The following KCNH1 variants were observed in gnomAD, a reference collection of about 807,000 sequenced individuals.
KCNH1 encodes potassium voltage-gated channel subfamily H member 1, also known as voltage-gated delayed rectifier potassium channel KCNH1.
KCNH1 carries 27 observed loss-of-function variants against 69.2 expected under a neutral mutation model. That is an observed-to-expected ratio of 0.39 (90% CI 0.29 to 0.54). KCNH1 has a LOEUF of 0.54. KCNH1 is among the 20% of genes least tolerant of loss of function. The pLI, the probability that KCNH1 is intolerant of heterozygous loss-of-function variation, is 0.68. For missense variants in KCNH1, 798 were observed against 1,261.6 expected, an observed-to-expected ratio of 0.63 and a Z score of 5.57; for synonymous variants, 456 against 487.7, an observed-to-expected ratio of 0.93 and a Z score of 0.86.
intron 8 of KCNH1, among the ~76,000 whole-genome samples, chr1:210,802,894 C>G (rs368362504): frequency 7.9e-5 from 12 of 151,934 alleles, no homozygotes; most frequent in African/African-American, 2.9e-4. Flanking sequence ...GCATGTTCTG[C>G]ACATGTACCC....
chr1:210,836,941 C>A (rs564568973), intron 7 of KCNH1, among the ~76,000 whole-genome samples: 1 of 152,174 alleles, frequency 6.6e-6, no homozygotes, highest in Admixed American at 6.6e-5. Flanking sequence ...TCCCTGCTTA[C>A]TTCATCTATT....
At chr1:210,946,744 C>T (rs529378682) in intron 6 of KCNH1, among the ~76,000 whole-genome samples, 3 of 152,306 alleles carry the variant, frequency 2.0e-5, no homozygotes, top group African/African-American at 7.2e-5. Context: ...ACTCCAGTCA[C>T]GCTGAACAAC....
chr1:210,908,399 G>A (rs572305712), intron 7 of KCNH1, among the ~76,000 whole-genome samples: 2 of 152,334 alleles, frequency 1.3e-5, no homozygotes, highest in East Asian at 3.9e-4. Flanking sequence ...GCCAGCGCCT[G>A]CATGTGAGCA....
intron 5 of KCNH1, among the ~76,000 whole-genome samples, chr1:211,027,971 T>C (rs1270423583): frequency 6.6e-6 from 1 of 152,086 alleles, no homozygotes; most frequent in Non-Finnish European, 1.5e-5. Flanking sequence ...AACTCAACAA[T>C]AGCATCAAAC....
intron 7 of KCNH1, chr1:210,861,713 A>G: frequency 1.3e-6 from 1 of 774,716 alleles, no homozygotes; most frequent in Non-Finnish European, 2.4e-6. Context: ...GACTGATCAG[A>G]CTGGTCAGAA....
intron 5 of KCNH1, among the ~76,000 whole-genome samples, chr1:211,065,535 A>G (rs1690513814): frequency 6.6e-6 from 1 of 152,148 alleles, no homozygotes. Context: ...TCATTTAGAT[A>G]GGAAGAATAA....
At chr1:210,982,097 T>C (rs953203801) in intron 6 of KCNH1, among the ~76,000 whole-genome samples, 2 of 152,072 alleles carry the variant, frequency 1.3e-5, no homozygotes, top group Non-Finnish European at 2.9e-5. Context: ...CCACCAGCAA[T>C]AAGACTTTCA....
rs868223891 is a variant in KCNH1, at chr1:211,078,938, G to A, written c.558+3842C>T. 7.3e-3 allele frequency among the ~76,000 whole-genome samples: 903 copies of A among 124,098 alleles called. 9 individuals carry two copies. The highest frequency in any genetic ancestry group is 0.023 in the African/African-American group (816 of 34,742). The allele number at this position is 124,098 out of a possible 152,430, so 81.4% of individuals were successfully genotyped here. A position where few individuals can be genotyped will look rare whatever the true frequency, so the allele number is the denominator to read the frequency against. Reference sequence around the variant, plus strand: ...GTCTCAAAAAAAAAAAAAAAAAAAAGAAAGAAAGAAAGAAATAACTAAGAT... The same window carrying A: ...GTCTCAAAAAAAAAAAAAAAAAAAAAAAAGAAAGAAAGAAATAACTAAGAT... On this transcript the variant is annotated intron_variant, in intron 5 of 10. Transcript: ENST00000271751.
intron 5 of KCNH1, among the ~76,000 whole-genome samples, chr1:211,021,168 G>T (rs1689580825): frequency 6.6e-6 from 1 of 152,146 alleles, no homozygotes; most frequent in South Asian, 2.1e-4. Context: ...AGGGTGGGAA[G>T]GGGGTAGGGG....
chr1:210,743,616 G>A (rs1683086259), intron 10 of KCNH1, among the ~76,000 whole-genome samples: 1 of 152,156 alleles, frequency 6.6e-6, no homozygotes. Context: ...TTTTAGACTT[G>A]GGGACAGGAC....
chr1:210,880,690 C>T (rs911403248), intron 7 of KCNH1, among the ~76,000 whole-genome samples: 1 of 152,086 alleles, frequency 6.6e-6, no homozygotes, highest in African/African-American at 2.4e-5. Context: ...TGTTTAGTTG[C>T]CGCACCAAAG....
intron 6 of KCNH1, among the ~76,000 whole-genome samples, chr1:210,960,433 C>T (rs1688271424): frequency 2.0e-5 from 3 of 152,338 alleles, no homozygotes; most frequent in South Asian, 4.1e-4. Context: ...ATGCTCTCTC[C>T]ACCTCTTTCC....
chr1:210,759,950 C>T (rs1683483311), intron 10 of KCNH1, among the ~76,000 whole-genome samples: 1 of 152,202 alleles, frequency 6.6e-6, no homozygotes, highest in Non-Finnish European at 1.5e-5. Context: ...TGAGCAAGCA[C>T]TGCCACCTGA....
chr1:210,930,935 A>G (rs1020106868), intron 6 of KCNH1, among the ~76,000 whole-genome samples: 1 of 152,158 alleles, frequency 6.6e-6, no homozygotes, highest in Admixed American at 6.6e-5. Flanking sequence ...GAAAAATGCT[A>G]AACATTACTA....
intron 9 of KCNH1, among the ~76,000 whole-genome samples, chr1:210,778,438 G>A (rs1434171166): frequency 6.6e-6 from 1 of 150,878 alleles, no homozygotes; most frequent in Non-Finnish European, 1.5e-5. Flanking sequence ...TGGGAGGATT[G>A]CTTGAACCCA....
chr1:210,683,620 T>C lies in KCNH1; in HGVS notation c.2631A>G (p.Thr877=), dbSNP rs1200325461. The change falls in exon 11 of 11, where the codon ACA becomes ACG. Residue 877 remains threonine, a synonymous_variant. Transcript: ENST00000271751. The surrounding 1 kb of genome is among the most constrained non-coding windows in gnomAD (Gnocchi z 5.7). ...TGGTGATGCCACTGTCACACGAGTCTGTCTTCTTCAGTGTGGCCTCGCCTG... is the reference window on the plus strand; with the variant it reads ...TGGTGATGCCACTGTCACACGAGTCCGTCTTCTTCAGTGTGGCCTCGCCTG... ...KASGEATLKK[T]DSCDSGITKS... is the part of the protein sequence containing the mutation. The C allele has an allele frequency of 6.2e-7, 1 of 1,614,228 alleles. No homozygotes were observed. Among genetic ancestry groups the C allele is most frequent in the Non-Finnish European group, 8.5e-7 (1 of 1,180,044 alleles).
chr1:211,087,982 C>T (rs1006815442), intron 4 of KCNH1, among the ~76,000 whole-genome samples: 10 of 152,078 alleles, frequency 6.6e-5, no homozygotes, highest in South Asian at 4.2e-4. Flanking sequence ...CCTTTGTGGG[C>T]GATTTGTGGG....
chr1:211,042,814 G>T (rs1690021681), intron 5 of KCNH1, among the ~76,000 whole-genome samples: 1 of 152,072 alleles, frequency 6.6e-6, no homozygotes, highest in African/African-American at 2.4e-5. Context: ...AACTCCAAAA[G>T]GAACCTTCAA....
chr1:210,735,417 AGTGAGTGTGTGTGTGTGTGTGTGTGT>A (rs1682853584), intron 10 of KCNH1, among the ~76,000 whole-genome samples: 2 of 115,968 alleles, frequency 1.7e-5, no homozygotes, highest in African/African-American at 3.5e-5. Flanking sequence ...TGAATGAGTG[AGTGAGTGTGTGTGTGTGTGTGTGTGT>A]GTGTGTGTGT....
Sources: gnomAD v4.1 joint callset for allele counts (sites outside exome capture counted in the v4.1 genomes callset) on GRCh38, gnomAD v4.1.1 for gene constraint, Gnocchi (gnomAD v3.1) non-coding constraint, MANE v1.5 for transcripts, NCBI Gene and HGNC (gene_info 2026-07-23, HGNC 2026-07-21) for gene names.